The following CSMD1 variants were observed in gnomAD, a reference collection of about 807,000 sequenced individuals.
The protein encoded by CSMD1 is CUB and Sushi multiple domains 1.
A neutral mutation model predicts 417.5 loss-of-function variants in CSMD1; 213 were observed. That is an observed-to-expected ratio of 0.51 (90% CI 0.46 to 0.57). The LOEUF is 0.57. CSMD1 is among the 20% of genes least tolerant of loss of function. CSMD1 has a pLI of 0.00. For missense variants in CSMD1, 6,923 were observed against 4,529.7 expected (o/e 1.53, Z -15.17); for synonymous variants, 2,862 against 1,736.8 (o/e 1.65, Z -16.11).
intron 3 of CSMD1, among the ~76,000 whole-genome samples, chr8:4,197,424 A>G (rs908411894): frequency 1.3e-5 from 2 of 152,200 alleles, no homozygotes; most frequent in East Asian, 1.9e-4. Flanking sequence ...AGAATGAGTA[A>G]AGCAGATTTC....
intron 7 of CSMD1, among the ~76,000 whole-genome samples, chr8:3,690,434 A>G (rs935189781): frequency 2.6e-5 from 4 of 152,244 alleles, no homozygotes; most frequent in African/African-American, 9.6e-5. Context: ...TTTCTTCTGT[A>G]TGTGGGTAAA....
intron 12 of CSMD1, among the ~76,000 whole-genome samples, chr8:3,427,859 G>A (rs1360160569): frequency 1.3e-5 from 2 of 152,284 alleles, no homozygotes; most frequent in South Asian, 4.1e-4. Flanking sequence ...CTGTCAAATC[G>A]ATTACTGTCA....
intron 10 of CSMD1, among the ~76,000 whole-genome samples, chr8:3,521,355 T>G (rs1797500859): frequency 6.6e-6 from 1 of 152,148 alleles, no homozygotes; most frequent in Admixed American, 6.5e-5. Flanking sequence ...CTGTTGGCCC[T>G]TCTCCCATGA....
intron 8 of CSMD1, among the ~76,000 whole-genome samples, chr8:3,599,316 G>T (rs117830951): frequency 6.6e-6 from 1 of 152,078 alleles, no homozygotes; most frequent in Non-Finnish European, 1.5e-5. Flanking sequence ...GAACACCTGA[G>T]ATCTACCCTC....
intron 54 of CSMD1, among the ~76,000 whole-genome samples, chr8:2,987,596 A>G (rs1279511294): frequency 2.0e-5 from 3 of 152,192 alleles, no homozygotes; most frequent in African/African-American, 4.8e-5. Flanking sequence ...TTTTTGCTGT[A>G]AGGAATGTAC....
chr8:4,882,107 T>C (rs2164900), intron 1 of CSMD1, among the ~76,000 whole-genome samples: 66,364 of 151,664 alleles, frequency 0.44, 14,742 homozygotes, highest in South Asian at 0.57. Flanking sequence ...CCACAGTATT[T>C]TGTAAAATAA....
intron 3 of CSMD1, among the ~76,000 whole-genome samples, chr8:4,415,503 T>C (rs1002545146): frequency 2.3e-4 from 35 of 152,174 alleles, no homozygotes; most frequent in Admixed American, 2.2e-3. Flanking sequence ...CACGTAGACC[T>C]GCTCTTTCCC....
At chr8:3,784,447 G>C (rs184338859) in intron 5 of CSMD1, among the ~76,000 whole-genome samples, 4 of 152,174 alleles carry the variant, frequency 2.6e-5, no homozygotes, top group Non-Finnish European at 5.9e-5. Context: ...TTCTTAAAGA[G>C]ATATATAAGT....
intron 5 of CSMD1, among the ~76,000 whole-genome samples, chr8:3,952,090 C>T (rs1473052321): frequency 6.6e-6 from 1 of 152,066 alleles, no homozygotes; most frequent in African/African-American, 2.4e-5. Flanking sequence ...AAATAAAAAT[C>T]TTTAAATTTC....
chr8:4,836,676 T>C (rs1234342669), intron 1 of CSMD1, among the ~76,000 whole-genome samples: 2 of 152,182 alleles, frequency 1.3e-5, no homozygotes, highest in African/African-American at 4.8e-5. Context: ...TTTTAGTTTT[T>C]TATTCATCTC....
At chr8:3,081,636 C>G (rs909665754) in intron 49 of CSMD1, among the ~76,000 whole-genome samples, 1 of 152,164 alleles carries the variant, frequency 6.6e-6, no homozygotes, top group African/African-American at 2.4e-5. Flanking sequence ...TTTATAACCA[C>G]TTTTGACCAA....
At chr8:3,415,582 C>T (rs1400329230) in intron 12 of CSMD1, among the ~76,000 whole-genome samples, 1 of 152,218 alleles carries the variant, frequency 6.6e-6, no homozygotes, top group Admixed American at 6.5e-5. Context: ...TGGTCTCCAA[C>T]TCCTGGCCTC....
chr8:4,096,401 C>G (rs1801013613), intron 3 of CSMD1, among the ~76,000 whole-genome samples: 1 of 151,996 alleles, frequency 6.6e-6, no homozygotes, highest in East Asian at 1.9e-4. Context: ...GGCTCTAATC[C>G]AGACATAGAG....
intron 4 of CSMD1, among the ~76,000 whole-genome samples, chr8:4,016,586 A>T (rs1796535178): frequency 6.6e-6 from 1 of 152,112 alleles, no homozygotes. Flanking sequence ...CAATCCTAAA[A>T]AGCCTTTCCC....
At chr8:3,391,867 T>C (rs1256500564) in intron 17 of CSMD1, among the ~76,000 whole-genome samples, 1 of 152,198 alleles carries the variant, frequency 6.6e-6, no homozygotes, top group African/African-American at 2.4e-5. Flanking sequence ...AAGGAGTGTT[T>C]ATAATGTGAA....
In CSMD1 at chr8:4,424,727, C is replaced by G. The variant is rs562433628; in HGVS notation, c.303-4662G>C. 1.1e-4 allele frequency among the ~76,000 whole-genome samples: 16 copies of G among 152,084 alleles called. No homozygotes were observed. The East Asian group carries it at 2.3e-3, about 22-fold the overall frequency. On this transcript the variant is annotated intron_variant, in intron 2 of 69. Transcript: ENST00000635120. ...AACAATTGTTCTTCTCTGCATTTGC[C>G]CTAGAAATGCTCATGATGGGAAACT...
chr8:3,417,055 C>A (rs550619654), intron 12 of CSMD1, among the ~76,000 whole-genome samples: 4 of 152,292 alleles, frequency 2.6e-5, no homozygotes, highest in East Asian at 3.9e-4. Context: ...TTAAATCACA[C>A]CACGTTCTGC....
rs188837107 is a variant in CSMD1 at position 3,620,986 on chromosome 8, T to C, written c.1010-4189A>G. 2.7e-3 allele frequency among the ~76,000 whole-genome samples: 415 copies of C among 152,278 alleles called. 1 individual carries two copies. The highest frequency in any genetic ancestry group is 5.1e-3 in the Non-Finnish European group (350 of 68,030). On this transcript the variant is annotated intron_variant, in intron 7 of 69. Transcript: ENST00000635120. The stretch of plus-strand genomic sequence containing the variant: ...AGGTAATTAACTTAAAGTGTCATCC[T>C]TAAGGTGAGCCCTAATCCAACATGA...
chr8:4,377,708 C>T (rs1305112747), intron 3 of CSMD1, among the ~76,000 whole-genome samples: 3 of 152,128 alleles, frequency 2.0e-5, no homozygotes, highest in African/African-American at 7.2e-5. Context: ...CTGTGGCATA[C>T]TTTTGATTTA....
Sources: gnomAD v4.1 joint callset for allele counts (sites outside exome capture counted in the v4.1 genomes callset) on GRCh38, gnomAD v4.1.1 for gene constraint, MANE v1.5 for transcripts, NCBI Gene and HGNC (gene_info 2026-07-23, HGNC 2026-07-21) for gene names.